ZC3H12B: variants seen among roughly 807,000 people sequenced by gnomAD.
The protein encoded by ZC3H12B is probable ribonuclease ZC3H12B.
Under a neutral mutation model 43.9 loss-of-function variants are expected in ZC3H12B, and 7 were observed. The ratio of observed to expected loss-of-function variants is 0.16; its 90% CI spans 0.09 to 0.30. ZC3H12B has a LOEUF of 0.30. Among genes scored for constraint, ZC3H12B ranks in the 10% least tolerant of loss-of-function variants. The pLI, the probability that ZC3H12B is intolerant of heterozygous loss-of-function variation, is 1.00. For synonymous variants in ZC3H12B, 222 were observed against 241.7 expected, an observed-to-expected ratio of 0.92 and a Z score of 0.76; for missense variants, 475 against 670.2, an observed-to-expected ratio of 0.71 and a Z score of 3.22.
chrX:65,244,553 C>A, the ZC3H12B span, among the ~76,000 whole-genome samples: 1 of 107,261 alleles, frequency 9.3e-6, no homozygotes, highest in Non-Finnish European at 1.9e-5. Context: ...GAGACCAGCC[C>A]GGGTAACATA....
At chrX:65,170,714 T>A in the ZC3H12B span, among the ~76,000 whole-genome samples, 1 of 111,803 alleles carries the variant, frequency 8.9e-6, no homozygotes, top group Non-Finnish European at 1.9e-5. Context: ...CCCATATTTC[T>A]TGGAGGCTTT....
chrX:65,402,811 C>T (rs1474202112), intron 3 of ZC3H12B, among the ~76,000 whole-genome samples: 1 of 112,435 alleles, frequency 8.9e-6, no homozygotes, highest in Non-Finnish European at 1.9e-5. Flanking sequence ...CATCAAAACA[C>T]CCAAGTCCTT....
At chrX:65,149,615 T>A in the ZC3H12B span, among the ~76,000 whole-genome samples, 2 of 107,484 alleles carry the variant, frequency 1.9e-5, no homozygotes, top group African/African-American at 3.4e-5. Context: ...ACAAAAAAAA[T>A]TAACTGGGCA....
At chrX:65,407,234 T>G (rs1341082711) in intron 3 of ZC3H12B, among the ~76,000 whole-genome samples, 1 of 109,862 alleles carries the variant, frequency 9.1e-6, no homozygotes, top group Admixed American at 9.4e-5. Context: ...GCAGGGCGAG[T>G]GCGCGCGAGG....
chrX:65,335,331 G>A, the ZC3H12B span, among the ~76,000 whole-genome samples: 12 of 111,294 alleles, frequency 1.1e-4, no homozygotes, highest in Non-Finnish European at 2.1e-4. Flanking sequence ...TTTAACCATA[G>A]TGCTTAAAAA....
the ZC3H12B span, among the ~76,000 whole-genome samples, chrX:65,123,036 C>T: frequency 8.9e-6 from 1 of 111,738 alleles, no homozygotes; most frequent in Non-Finnish European, 1.9e-5. Context: ...CAGTTTTTGC[C>T]CATTCAGTAT....
chrX:65,121,438 A>T, the ZC3H12B span, among the ~76,000 whole-genome samples: 1 of 111,774 alleles, frequency 8.9e-6, no homozygotes, highest in South Asian at 3.7e-4. Flanking sequence ...TTATTTGCCT[A>T]GAGGTGTTTA....
At chrX:65,446,301 G>C (rs1055117046) in intron 3 of ZC3H12B, among the ~76,000 whole-genome samples, 1 of 111,701 alleles carries the variant, frequency 9.0e-6, no homozygotes, top group South Asian at 3.7e-4. Context: ...AAGCTGAACT[G>C]CCTGGGGTTA....
At chrX:65,404,453 T>C (rs1311107232) in intron 3 of ZC3H12B, among the ~76,000 whole-genome samples, 2 of 111,481 alleles carry the variant, frequency 1.8e-5, no homozygotes, top group Non-Finnish European at 1.9e-5. Flanking sequence ...TGTTGCCTAC[T>C]AGAAACACAC....
the ZC3H12B span, among the ~76,000 whole-genome samples, chrX:65,200,283 C>T: frequency 2.7e-5 from 3 of 110,837 alleles, no homozygotes; most frequent in African/African-American, 9.9e-5. Flanking sequence ...TATCCTTTGC[C>T]CACATCTCAA....
At chrX:65,385,872 C>A (rs973954194) in intron 2 of ZC3H12B, among the ~76,000 whole-genome samples, 2 of 112,161 alleles carry the variant, frequency 1.8e-5, no homozygotes, top group Non-Finnish European at 3.8e-5. Flanking sequence ...TGACTTTTGG[C>A]AAAGGCCTTT....
chrX:65,339,966 G>C, the ZC3H12B span, among the ~76,000 whole-genome samples: 1 of 111,297 alleles, frequency 9.0e-6, no homozygotes, highest in Non-Finnish European at 1.9e-5. Context: ...ACTACTGCTG[G>C]TGGGAGTGCA....
intron 3 of ZC3H12B, among the ~76,000 whole-genome samples, chrX:65,436,126 G>A (rs1434419101): frequency 1.8e-5 from 2 of 112,261 alleles, no homozygotes; most frequent in African/African-American, 6.5e-5. Context: ...CGTCTTACGT[G>A]GCTGTAGCAG....
At chrX:65,334,118 C>T in the ZC3H12B span, among the ~76,000 whole-genome samples, 13 of 111,834 alleles carry the variant, frequency 1.2e-4, no homozygotes, top group Non-Finnish European at 2.3e-4. Context: ...CAAATGTATC[C>T]GATCTTAATC....
chrX:65,151,889 A>G, the ZC3H12B span, among the ~76,000 whole-genome samples: 3 of 111,997 alleles, frequency 2.7e-5, no homozygotes, highest in South Asian at 1.1e-3. Context: ...CACCATGATC[A>G]AGTGGGCTTC....
chrX:65,038,660 CAT>C, the ZC3H12B span, among the ~76,000 whole-genome samples: 1,509 of 110,952 alleles, frequency 0.014, 26 homozygotes, highest in African/African-American at 0.046. Flanking sequence ...GGCAGGTACA[CAT>C]GTTAGTTAAA....
chrX:65,359,179 A>G, the ZC3H12B span, among the ~76,000 whole-genome samples: 1 of 111,288 alleles, frequency 9.0e-6, no homozygotes, highest in African/African-American at 3.3e-5. Context: ...TCCTTTCAAG[A>G]TATTACTTCT....
exon 2 of ZC3H12B, chrX:65,368,868 G>C (rs1317210945): frequency 8.9e-6 from 1 of 112,065 alleles, no homozygotes; most frequent in Non-Finnish European, 1.9e-5. Flanking sequence ...CAGCAACAGA[G>C]GATAAAAGTC....
the ZC3H12B span, among the ~76,000 whole-genome samples, chrX:65,143,985 T>C: frequency 9.0e-6 from 1 of 111,544 alleles, no homozygotes; most frequent in Non-Finnish European, 1.9e-5. Context: ...TATGTCCTTT[T>C]CTGGTTTTCA....
Sources: gnomAD v4.1 joint callset for allele counts (sites outside exome capture counted in the v4.1 genomes callset) on GRCh38, gnomAD v4.1.1 for gene constraint, MANE v1.5 for transcripts, NCBI Gene and HGNC (gene_info 2026-07-23, HGNC 2026-07-21) for gene names.